Variants in VWA5A observed in about 807,000 individuals in gnomAD.
VWA5A encodes von Willebrand factor A domain containing 5A.
A neutral mutation model predicts 84.6 loss-of-function variants in VWA5A; 77 were observed. The observed-to-expected ratio is 0.91, with a 90% CI of 0.76 to 1.10. The LOEUF is 1.10. Among genes scored for constraint, VWA5A ranks in the 50% least tolerant of loss-of-function variants. VWA5A has a pLI of 0.00. For synonymous variants in VWA5A, 334 were observed against 350.1 expected (o/e 0.95, Z 0.51); for missense variants, 973 against 963.0 (o/e 1.01, Z -0.14).
chr11:124,141,510 G>A, intron 15 of VWA5A, 88 bp from the exon 16 acceptor site: 5 of 1,508,738 alleles, frequency 3.3e-6, no homozygotes, highest in Non-Finnish European at 4.5e-6. Context: ...CAGTGTGGAT[G>A]GGGGGGTATG....
chr11:124,145,312 G>C lies in VWA5A; in HGVS notation c.2230G>C (p.Glu744Gln). ...CAGCAATGGTAAGGACTTGAAGTGT[G>C]AATGGGAGCTTCTGGAAAGGAAGGC... is the stretch of plus-strand genomic sequence containing the variant. ...LHSNGKDLKC[E>Q]WELLERKAVA... Residue 744 changes from glutamate to glutamine, a missense_variant, in exon 18 of 19, where the codon GAA becomes CAA. By Grantham distance (29) the Glu-to-Gln change is conservative (BLOSUM62 2). Transcript: ENST00000456829. 1 of 1,613,914 alleles carries C rather than the reference G, an allele frequency of 6.2e-7. No individual in the cohort carries two copies. Among genetic ancestry groups the C allele is most frequent in the Non-Finnish European group, 8.5e-7 (1 of 1,179,876 alleles).
chr11:124,136,059 A>C, intron 12 of VWA5A, 70 bp from the exon 13 acceptor site: 7 of 1,513,000 alleles, frequency 4.6e-6, no homozygotes, highest in Non-Finnish European at 6.4e-6. Flanking sequence ...ATACATAATA[A>C]ATGTCCAGTT....
chr11:124,118,856 C>T (rs577352573), intron 6 of VWA5A, 119 bp from the exon 7 acceptor site: 59 of 1,341,498 alleles, frequency 4.4e-5, no homozygotes, highest in Middle Eastern at 2.2e-4. Flanking sequence ...GCCTTCTCTC[C>T]AGCCTCACCT....
rs946691410 is a variant in VWA5A, at chr11:124,141,509, TG to T, written c.1880-82del. 3.7e-5 allele frequency: 56 copies of T among 1,515,762 alleles called. 1 individual carries two copies. Among genetic ancestry groups the T allele is most frequent in the South Asian group, 2.3e-4 (18 of 79,946 alleles). The allele number at this position is 1,515,762 out of a possible 1,614,324, so 93.9% of individuals were successfully genotyped here. A position where few individuals can be genotyped will look rare whatever the true frequency, so the allele number is the denominator to read the frequency against. On this transcript the variant is annotated intron_variant, in intron 15 of 18. Transcript: ENST00000456829. ...GGGTGGTGACTGAAGCCAGTGTGGA[TG>T]GGGGGGTATGTATCTTGAATTGTCA...
chr11:124,142,545 A>T lies in VWA5A; in HGVS notation c.2127A>T (p.Glu709Asp). Residue 709 changes from glutamate (E) to aspartate (D), a missense_variant, in exon 17 of 19, where the codon GAA (glutamate) becomes GAT (aspartate). Transcript: ENST00000456829. Reference protein sequence around the residue: ...DLAKILGMSLEEIMAAQPAEL... With the variant: ...DLAKILGMSLDEIMAAQPAEL... Reference sequence around the variant, plus strand: ...CCAAGATCCTAGGTATGAGTTTGGAAGAAATAATGGCTGCACAGCCTGCCG... The same window carrying T: ...CCAAGATCCTAGGTATGAGTTTGGATGAAATAATGGCTGCACAGCCTGCCG... The T allele has an allele frequency of 6.2e-7, 1 of 1,614,202 alleles. No homozygotes were observed. The highest frequency in any genetic ancestry group is 1.1e-5 in the South Asian group (1 of 91,078).
In VWA5A at chr11:124,118,304, C is replaced by T. The variant is rs538815965; in HGVS notation, c.362C>T (p.Ser121Leu). The T allele has an allele frequency of 3.9e-5, 63 of 1,614,172 alleles. 3 individuals are homozygous for T. In the South Asian group the frequency reaches 5.8e-4, roughly 15 times the overall value. The change falls in exon 5 of 19, where the codon TCG becomes TTG. Residue 121 changes from serine (S) to leucine (L), a missense_variant. Transcript: ENST00000456829. ...SCNVGNLQPG[S>L]KAAVTLKYVQ... is the part of the protein sequence containing the mutation. ...AATGTGGGTAACCTCCAACCTGGGT[C>T]GAAGGCGGCAGTCACCCTGAAGTAT...
At chr11:124,136,745 CTTCA>C (rs1432873763) in intron 14 of VWA5A, 71 bp downstream of exon 14, 378 of 1,027,718 alleles carry the variant, frequency 3.7e-4, no homozygotes, top group African/African-American at 1.7e-3. Flanking sequence ...TCCTTCCTTC[CTTCA>C]TTCCCTCCCT....
At chr11:124,138,971 CTAA>C (rs1555038943) in intron 15 of VWA5A, among the ~76,000 whole-genome samples, 1 of 152,162 alleles carries the variant, frequency 6.6e-6, no homozygotes, top group Non-Finnish European at 1.5e-5. Flanking sequence ...AGATAAGGGT[CTAA>C]TGTTATTCTT....
chr11:124,120,098 C>T (rs1864907774), intron 7 of VWA5A, among the ~76,000 whole-genome samples: 1 of 152,162 alleles, frequency 6.6e-6, no homozygotes, highest in Non-Finnish European at 1.5e-5. Context: ...TCACCTTGTA[C>T]AACCATCACC....
chr11:124,131,159 C>G (rs1034734509), intron 11 of VWA5A, among the ~76,000 whole-genome samples: 4 of 151,734 alleles, frequency 2.6e-5, no homozygotes, highest in African/African-American at 9.7e-5. Context: ...GTATATGTAC[C>G]AATTTTTTTA....
chr11:124,139,329 T>A (rs7947518), intron 15 of VWA5A, among the ~76,000 whole-genome samples: 24,457 of 150,764 alleles, frequency 0.16, 2,248 homozygotes, highest in African/African-American at 0.27. Context: ...GCTGTGAAGG[T>A]TGTCTTTGAT....
intron 10 of VWA5A, among the ~76,000 whole-genome samples, 185 bp downstream of exon 10, chr11:124,123,989 G>T (rs1864977458): frequency 6.6e-6 from 1 of 152,168 alleles, no homozygotes; most frequent in Non-Finnish European, 1.5e-5. Context: ...GATGGACACT[G>T]GAAGGCCTTT....
chr11:124,125,708 T>C (rs889910905), intron 11 of VWA5A, among the ~76,000 whole-genome samples: 4 of 152,234 alleles, frequency 2.6e-5, no homozygotes, highest in African/African-American at 9.6e-5. Flanking sequence ...GTTACTTATT[T>C]ATTTCTATTA....
At chr11:124,115,625 A>T (rs1464715783) in intron 1 of VWA5A, 143 bp downstream of exon 1, 2 of 152,212 alleles carry the variant, frequency 1.3e-5, no homozygotes, top group Non-Finnish European at 2.9e-5. Context: ...GGAGGATTTC[A>T]TCCTGATGTA....
At chr11:124,123,152 T>C (rs1205791187) in intron 8 of VWA5A, 23 bp downstream of exon 8, 1 of 1,603,088 alleles carries the variant, frequency 6.2e-7, no homozygotes, top group Admixed American at 1.7e-5. Context: ...TCTTTCCTCT[T>C]CTGGGTCACA....
Position 124,139,812 on chromosome 11 carries a change from C to T in VWA5A, c.1880-1786C>T, listed in dbSNP as rs571852932. ...TATTTATTTCTCTTGCCTAATTGCA[C>T]TGGCTAGGACTTCCAGTACTATATT... On this transcript the variant is annotated intron_variant, in intron 15 of 18. Transcript: ENST00000456829. 2.0e-5 allele frequency among the ~76,000 whole-genome samples: 3 copies of T among 152,184 alleles called. No homozygotes were observed. The East Asian group carries it at 5.8e-4, about 29-fold the overall frequency.
intron 12 of VWA5A, among the ~76,000 whole-genome samples, chr11:124,135,685 T>C (rs981417533): frequency 6.7e-5 from 10 of 148,322 alleles, no homozygotes; most frequent in South Asian, 2.2e-4. Flanking sequence ...CGCCCGCCAC[T>C]ACGCCCGGCT....
chr11:124,145,919 G>T lies in VWA5A; in HGVS notation c.2335G>T (p.Val779Leu), dbSNP rs116379510. 3.9e-4 allele frequency: 623 copies of T among 1,587,986 alleles called. 4 individuals are homozygous for T. In the African/African-American group the frequency reaches 7.4e-3, roughly 19 times the overall value. Reference sequence around the variant, plus strand: ...TGCTATTACTTTCCTGAAGTCATCTGTGGATCCTGCTATCTTTGCCTTTTG... The same window carrying T: ...TGCTATTACTTTCCTGAAGTCATCTTTGGATCCTGCTATCTTTGCCTTTTG... ...KAAITFLKSS[V>L]DPAIFAF is the part of the protein sequence containing the mutation. The change falls in exon 19 of 19, where the codon GTG becomes TTG. Residue 779 changes from valine (V) to leucine (L), a missense_variant. Transcript: ENST00000456829.
rs138534580 is a variant in VWA5A at position 124,135,933 on chromosome 11, C to T, written c.1360-196C>T. On this transcript the variant is annotated intron_variant, in intron 12 of 18. Coordinates refer to ENST00000456829, the MANE Select transcript of VWA5A (RefSeq NM_001130142.2). The stretch of plus-strand genomic sequence containing the variant: ...CAAACATTTTCTTTATTTACATTTA[C>T]GTTACTAAATATTTCAGCTTTGGCT... Among the ~76,000 whole-genome samples, 63 of 152,256 alleles carry T rather than the reference C, an allele frequency of 4.1e-4. 1 individual carries two copies. The highest frequency in any genetic ancestry group is 1.4e-3 in the African/African-American group (57 of 41,564).
Sources: gnomAD v4.1 joint callset for allele counts (sites outside exome capture counted in the v4.1 genomes callset) on GRCh38, gnomAD v4.1.1 for gene constraint, MANE v1.5 for transcripts, NCBI Gene and HGNC (gene_info 2026-07-23, HGNC 2026-07-21) for gene names.